DPP10: variants seen among roughly 807,000 people sequenced by gnomAD.
The protein encoded by DPP10 is dipeptidyl peptidase like 10.
DPP10 carries 33 observed loss-of-function variants against 120.9 expected under a neutral mutation model. The ratio of observed to expected loss-of-function variants is 0.27; its 90% CI spans 0.21 to 0.37. DPP10 has a LOEUF of 0.37. Among genes scored for constraint, DPP10 ranks in the 10% least tolerant of loss-of-function variants. The pLI is 1.00. For missense variants in DPP10, 816 were observed against 942.8 expected (o/e 0.87, Z 1.76); for synonymous variants, 337 against 326.1 (o/e 1.03, Z -0.36).
At chr2:115,782,323 A>C in intron 16 of DPP10, 29 bp from the exon 17 acceptor site, 1 of 1,585,776 alleles carries the variant, frequency 6.3e-7, no homozygotes, top group Non-Finnish European at 8.6e-7. Context: ...ATCTTTAAAA[A>C]TATTTATACA....
chr2:115,615,250 T>A (rs949991500), intron 5 of DPP10, among the ~76,000 whole-genome samples: 1 of 152,152 alleles, frequency 6.6e-6, no homozygotes, highest in Non-Finnish European at 1.5e-5. Flanking sequence ...GTAACCTTTG[T>A]GTCCATAGAT....
intron 1 of DPP10, among the ~76,000 whole-genome samples, chr2:114,854,940 CTG>C (rs1689257171): frequency 6.6e-6 from 1 of 152,172 alleles, no homozygotes; most frequent in African/African-American, 2.4e-5. Flanking sequence ...CTACAAATAA[CTG>C]AATTCAGAAA....
At chr2:115,693,309 C>T (rs538030787) in intron 7 of DPP10, among the ~76,000 whole-genome samples, 1 of 152,188 alleles carries the variant, frequency 6.6e-6, no homozygotes, top group South Asian at 2.1e-4. Flanking sequence ...ATGAAACATT[C>T]ATGGACAATG....
chr2:114,477,703 G>T (rs1486131231), intron 1 of DPP10, among the ~76,000 whole-genome samples: 2 of 121,146 alleles, frequency 1.7e-5, no homozygotes, highest in African/African-American at 2.6e-5. Flanking sequence ...TAGAGTATGT[G>T]TGTGTGTATA....
At chr2:114,852,137 A>T (rs1003372081) in intron 1 of DPP10, among the ~76,000 whole-genome samples, 4 of 109,720 alleles carry the variant, frequency 3.6e-5, no homozygotes, top group African/African-American at 1.5e-4. Context: ...GGAAATTTTT[A>T]TAGCGATTGC....
intron 1 of DPP10, among the ~76,000 whole-genome samples, chr2:114,554,124 G>T (rs958050281): frequency 4.6e-5 from 7 of 152,142 alleles, no homozygotes; most frequent in Non-Finnish European, 8.8e-5. Flanking sequence ...TAATTAAAAG[G>T]GGTCCGGGTT....
intron 1 of DPP10, among the ~76,000 whole-genome samples, chr2:114,662,434 G>A (rs1697493636): frequency 1.3e-5 from 2 of 152,188 alleles, no homozygotes; most frequent in African/African-American, 2.4e-5. Context: ...GGGAGTCCGC[G>A]GAGCGGGACG....
intron 3 of DPP10, among the ~76,000 whole-genome samples, chr2:115,351,118 C>T (rs1368035702): frequency 6.6e-6 from 1 of 152,054 alleles, no homozygotes; most frequent in Non-Finnish European, 1.5e-5. Context: ...CTGAAATCAA[C>T]CTAGGTGCCC....
chr2:114,756,647 G>A (rs932765001), intron 1 of DPP10, among the ~76,000 whole-genome samples: 1 of 152,164 alleles, frequency 6.6e-6, no homozygotes, highest in Non-Finnish European at 1.5e-5. Context: ...AGTCTCTGTA[G>A]GGCAGGTCCA....
intron 1 of DPP10, among the ~76,000 whole-genome samples, chr2:115,000,546 T>A (rs184509327): frequency 6.6e-6 from 1 of 152,298 alleles, no homozygotes; most frequent in Non-Finnish European, 1.5e-5. Context: ...GTCATTATTG[T>A]AAATAGCCTT....
chr2:114,673,161 C>T (rs565122011), intron 1 of DPP10, among the ~76,000 whole-genome samples: 1 of 152,278 alleles, frequency 6.6e-6, no homozygotes, highest in African/African-American at 2.4e-5. Context: ...TTGTAAGTTC[C>T]TGTGTCTGTC....
At chr2:114,976,240 A>AT (rs138452306) in intron 1 of DPP10, among the ~76,000 whole-genome samples, 20,436 of 151,654 alleles carry the variant, frequency 0.13, 1,512 homozygotes, top group Non-Finnish European at 0.16. Flanking sequence ...CCCCTCCCTA[A>AT]TTTTTTCTTC....
intron 1 of DPP10, among the ~76,000 whole-genome samples, chr2:114,905,218 C>A (rs1171496924): frequency 6.6e-6 from 1 of 151,688 alleles, no homozygotes; most frequent in Non-Finnish European, 1.5e-5. Context: ...CTGCTAAAAA[C>A]TACCTGAGAT....
chr2:115,133,392 C>T (rs2050483968), intron 1 of DPP10, among the ~76,000 whole-genome samples: 1 of 151,698 alleles, frequency 6.6e-6, no homozygotes, highest in Non-Finnish European at 1.5e-5. Flanking sequence ...ACTGAACTAA[C>T]ATTGGGTACT....
chr2:114,589,777 C>T (rs1691302281), intron 1 of DPP10, among the ~76,000 whole-genome samples: 1 of 146,676 alleles, frequency 6.8e-6, no homozygotes, highest in Non-Finnish European at 1.5e-5. Flanking sequence ...TTCTCTTTTC[C>T]CAAAACTATG....
chr2:115,068,717 C>A (rs898048866), intron 1 of DPP10, among the ~76,000 whole-genome samples: 5 of 152,072 alleles, frequency 3.3e-5, no homozygotes, highest in African/African-American at 9.7e-5. Flanking sequence ...ACATTGAAGT[C>A]TTTAATCTAT....
At chr2:115,360,864 G>T (rs977178391) in intron 3 of DPP10, among the ~76,000 whole-genome samples, 2 of 152,182 alleles carry the variant, frequency 1.3e-5, no homozygotes, top group African/African-American at 4.8e-5. Flanking sequence ...AGAGGTGGAG[G>T]ATCCCAGGAA....
intron 5 of DPP10, among the ~76,000 whole-genome samples, chr2:115,679,085 A>G (rs1187950258): frequency 6.6e-6 from 1 of 152,198 alleles, no homozygotes; most frequent in Admixed American, 6.5e-5. Flanking sequence ...GCCTTGTCTC[A>G]GATGAGACTT....
chr2:115,313,209 G>A (rs934590909), intron 2 of DPP10, among the ~76,000 whole-genome samples: 3 of 151,980 alleles, frequency 2.0e-5, no homozygotes, highest in Admixed American at 6.6e-5. Context: ...GTGACAGAAC[G>A]AGACTCTGTC....
Sources: allele counts gnomAD v4.1 joint callset (sites outside exome capture counted in the v4.1 genomes callset), GRCh38; gene constraint gnomAD v4.1.1; transcripts MANE v1.5; gene names NCBI Gene and HGNC (gene_info 2026-07-23, HGNC 2026-07-21).